Variants in ZNF385D observed in about 807,000 individuals in gnomAD.
ZNF385D encodes zinc finger protein 659.
A neutral mutation model predicts 35.8 loss-of-function variants in ZNF385D; 15 were observed. That is an observed-to-expected ratio of 0.42 (90% CI 0.28 to 0.64). The LOEUF is 0.64. Ranked by LOEUF, ZNF385D falls within the 30% of genes least tolerant of loss-of-function variation. The pLI is 0.23. For synonymous variants in ZNF385D, 212 were observed against 186.8 expected, an observed-to-expected ratio of 1.13 and a Z score of -1.10; for missense variants, 474 against 494.6, an observed-to-expected ratio of 0.96 and a Z score of 0.39.
chr3:22,058,774 G>A (rs909563934), intron 3 of ZNF385D, among the ~76,000 whole-genome samples: 1 of 152,168 alleles, frequency 6.6e-6, no homozygotes, highest in African/African-American at 2.4e-5. Flanking sequence ...AAGCCAGTCT[G>A]AAATTTTAAC....
intron 1 of ZNF385D, among the ~76,000 whole-genome samples, chr3:21,687,366 G>C (rs755788994): frequency 2.0e-5 from 3 of 152,138 alleles, no homozygotes; most frequent in Non-Finnish European, 4.4e-5. Context: ...AGTAGCAATA[G>C]ACAATAAAAC....
At chr3:22,282,725 T>C (rs926352643) in intron 2 of ZNF385D, among the ~76,000 whole-genome samples, 1 of 151,900 alleles carries the variant, frequency 6.6e-6, no homozygotes, top group African/African-American at 2.4e-5. Flanking sequence ...TATACCAAAA[T>C]AAAATCTCCT....
chr3:22,076,330 C>A (rs1411256296), intron 3 of ZNF385D, among the ~76,000 whole-genome samples: 2 of 152,028 alleles, frequency 1.3e-5, no homozygotes, highest in Non-Finnish European at 2.9e-5. Flanking sequence ...ACCTTGGTCA[C>A]TTCGGTCCAG....
At chr3:21,775,266 A>G (rs563321489) in intron 3 of ZNF385D, among the ~76,000 whole-genome samples, 4 of 151,870 alleles carry the variant, frequency 2.6e-5, no homozygotes, top group Non-Finnish European at 4.4e-5. Flanking sequence ...GCAGGGTTGC[A>G]AAGTATTTGC....
intron 4 of ZNF385D, among the ~76,000 whole-genome samples, chr3:21,464,428 A>G (rs1703373172): frequency 6.6e-6 from 1 of 152,146 alleles, no homozygotes; most frequent in Non-Finnish European, 1.5e-5. Flanking sequence ...TGCTTTCTCA[A>G]TCTTTTGTCT....
In ZNF385D at chr3:21,421,336, T is replaced by A. The variant is rs1201479835; in HGVS notation, c.1066A>T (p.Ser356Cys). The A allele has an allele frequency of 6.2e-6, 10 of 1,613,812 alleles. No homozygotes were observed. Among genetic ancestry groups the A allele is most frequent in the African/African-American group, 1.3e-5 (1 of 74,918 alleles). ...AAAVAVSSPF[S>C]LRTAPAATLF... Reference sequence around the variant, plus strand: ...GTTGCTGCTGGAGCAGTTCGAAGACTGAAGGGGGAACTCACTGCCACTGCT... The same window carrying A: ...GTTGCTGCTGGAGCAGTTCGAAGACAGAAGGGGGAACTCACTGCCACTGCT... Residue 356 changes from serine to cysteine, a missense_variant, in exon 8 of 8, where the codon AGT (serine) becomes TGT (cysteine). Physicochemically the swap from Ser to Cys is moderately radical, Grantham distance 112 (BLOSUM62 -1). Transcript: ENST00000281523.
At chr3:22,239,903 A>G (rs1174722618) in intron 2 of ZNF385D, among the ~76,000 whole-genome samples, 2 of 150,644 alleles carry the variant, frequency 1.3e-5, no homozygotes, top group Non-Finnish European at 2.9e-5. Context: ...CAGCCTGGGC[A>G]TGGTTGCCCA....
intron 1 of ZNF385D, among the ~76,000 whole-genome samples, chr3:21,747,333 T>C (rs2069825436): frequency 6.6e-6 from 1 of 152,210 alleles, no homozygotes; most frequent in Non-Finnish European, 1.5e-5. Flanking sequence ...TTTCATTTTT[T>C]TTAGGAGTAT....
At chr3:21,987,663 C>A (rs1199298211) in intron 3 of ZNF385D, among the ~76,000 whole-genome samples, 1 of 141,734 alleles carries the variant, frequency 7.1e-6, no homozygotes, top group South Asian at 2.4e-4. Context: ...TTGCTCTTCT[C>A]GAGGAGTATC....
chr3:21,928,978 G>C (rs1243437971), intron 3 of ZNF385D, among the ~76,000 whole-genome samples: 2 of 152,142 alleles, frequency 1.3e-5, no homozygotes, highest in South Asian at 4.1e-4. Flanking sequence ...CTCATTTTAA[G>C]AGGCTACAAT....
intron 2 of ZNF385D, among the ~76,000 whole-genome samples, chr3:21,633,639 G>C (rs2125840634): frequency 6.6e-6 from 1 of 152,136 alleles, no homozygotes; most frequent in South Asian, 2.1e-4. Flanking sequence ...GGAAATATCA[G>C]ATAGTATTTT....
At chr3:22,212,318 T>C (rs959799703) in intron 2 of ZNF385D, among the ~76,000 whole-genome samples, 1 of 151,864 alleles carries the variant, frequency 6.6e-6, no homozygotes, top group Non-Finnish European at 1.5e-5. Flanking sequence ...AACAACAGAG[T>C]CTCTGTGCCT....
At chr3:22,322,665 A>C (rs900733424) in intron 2 of ZNF385D, among the ~76,000 whole-genome samples, 1 of 152,222 alleles carries the variant, frequency 6.6e-6, no homozygotes, top group African/African-American at 2.4e-5. Flanking sequence ...CTCACTGAAT[A>C]TCATTATTTA....
intron 2 of ZNF385D, among the ~76,000 whole-genome samples, chr3:22,226,455 T>G (rs137916334): frequency 6.6e-6 from 1 of 152,304 alleles, no homozygotes; most frequent in South Asian, 2.1e-4. Flanking sequence ...TCATACAACT[T>G]TGACAAGTTG....
intron 1 of ZNF385D, among the ~76,000 whole-genome samples, chr3:21,747,102 GTTTTT>G (rs747970266): frequency 7.7e-6 from 1 of 129,392 alleles, no homozygotes; most frequent in Non-Finnish European, 1.7e-5. Flanking sequence ...GTTTTGTTTT[GTTTTT>G]ATTATAGGCA....
intron 2 of ZNF385D, among the ~76,000 whole-genome samples, chr3:22,290,543 G>A (rs565260487): frequency 1.1e-4 from 16 of 152,094 alleles, no homozygotes; most frequent in South Asian, 6.2e-4. Flanking sequence ...ACTCATTCCC[G>A]GATGCCCAGG....
At chr3:21,585,648 G>A (rs774355710) in intron 2 of ZNF385D, among the ~76,000 whole-genome samples, 3 of 152,154 alleles carry the variant, frequency 2.0e-5, no homozygotes, top group African/African-American at 4.8e-5. Flanking sequence ...AAAACAAATC[G>A]TGGATCAAGT....
intron 3 of ZNF385D, among the ~76,000 whole-genome samples, chr3:21,757,704 A>G (rs1053339405): frequency 6.6e-6 from 1 of 152,220 alleles, no homozygotes; most frequent in African/African-American, 2.4e-5. Context: ...ATATTTCAAC[A>G]TATACATTAG....
intron 1 of ZNF385D, among the ~76,000 whole-genome samples, chr3:21,666,768 G>A (rs968911043): frequency 6.6e-6 from 1 of 152,062 alleles, no homozygotes; most frequent in African/African-American, 2.4e-5. Flanking sequence ...ATTTTTGGAT[G>A]GTACATCTTT....
Sources: gnomAD v4.1 joint callset for allele counts (sites outside exome capture counted in the v4.1 genomes callset) on GRCh38, gnomAD v4.1.1 for gene constraint, MANE v1.5 for transcripts, NCBI Gene and HGNC (gene_info 2026-07-23, HGNC 2026-07-21) for gene names.